Variants in SRP72 observed in about 807,000 individuals in gnomAD.
The protein encoded by SRP72 is signal recognition particle 72.
Under a neutral mutation model 96.3 loss-of-function variants are expected in SRP72, and 49 were observed. That is an observed-to-expected ratio of 0.51 (90% confidence interval 0.40 to 0.65). SRP72 has a LOEUF of 0.65. Among genes scored for constraint, SRP72 ranks in the 30% least tolerant of loss-of-function variants. The probability of loss-of-function intolerance (pLI) is 0.00; values close to 1 mark genes in which losing one functional copy is unlikely to be tolerated. For synonymous variants in SRP72, 267 were observed against 275.2 expected, an observed-to-expected ratio of 0.97 and a Z score of 0.30; for missense variants, 736 against 793.3, an observed-to-expected ratio of 0.93 and a Z score of 0.87.
chr4:56,489,517 G>A (rs759097066), intron 13 of SRP72, 34 bp downstream of exon 13: 1 of 1,322,798 alleles, frequency 7.6e-7, no homozygotes, highest in African/African-American at 1.4e-5. Flanking sequence ...ATGAGAGCAT[G>A]TTTTTACATA....
chr4:56,501,845 G>T lies in SRP72; in HGVS notation c.2000G>T (p.Gly667Val). 1 of 1,614,118 alleles carries T rather than the reference G, an allele frequency of 6.2e-7. No individual in the cohort carries two copies. The highest frequency in any genetic ancestry group is 8.5e-7 in the Non-Finnish European group (1 of 1,180,010). Residue 667 changes from glycine (G) to valine (V), a missense_variant, in exon 19 of 19, where the codon GGA becomes GTA. This residue lies in a region of SRP72 where 388 missense variants were observed against 431.8 expected (regional missense o/e 0.90). Coordinates refer to ENST00000642900, the MANE Select transcript of SRP72 (RefSeq NM_006947.4). ...KKQQQKKKKG[G>V]KGGW ...CAGCAACAGAAAAAGAAGAAAGGTG[G>T]AAAAGGTGGCTGGTGATGAGAATAT... is the stretch of plus-strand genomic sequence containing the variant.
chr4:56,501,964 C>A lies in SRP72; in HGVS notation c.*103C>A. ...AAGCACAGAACTACTCCCTCTTCAT[C>A]TCCATATTTTCATAATTTCTTGTGT... On this transcript the variant is annotated 3_prime_UTR_variant, in exon 19 of 19. Coordinates refer to ENST00000642900, the MANE Select transcript of SRP72 (RefSeq NM_006947.4). The A allele has an allele frequency of 8.4e-7, 1 of 1,184,330 alleles. No homozygotes were observed. The highest frequency in any genetic ancestry group is 2.2e-5 in the Admixed American group (1 of 45,354). 73.4% of individuals were successfully genotyped at this position (1,184,330 alleles called of 1,614,324 possible). A position where few individuals can be genotyped will look rare whatever the true frequency, so the allele number is the denominator to read the frequency against.
chr4:56,469,963 C>G (rs575647825), intron 2 of SRP72, among the ~76,000 whole-genome samples, 190 bp downstream of exon 2: 4 of 141,748 alleles, frequency 2.8e-5, no homozygotes, highest in South Asian at 2.2e-4. Context: ...TTTTTTTCAG[C>G]CTTAGAGAGT....
chr4:56,475,901 T>G (rs2110115322), intron 5 of SRP72: 1 of 152,274 alleles, frequency 6.6e-6, no homozygotes, highest in South Asian at 2.1e-4. Flanking sequence ...GAACAGAAAT[T>G]TAGAAACAGC....
chr4:56,477,628 A>G (rs907669008), intron 6 of SRP72, among the ~76,000 whole-genome samples: 7 of 151,934 alleles, frequency 4.6e-5, no homozygotes, highest in Non-Finnish European at 7.4e-5. Flanking sequence ...AAGTTTTATC[A>G]TTTCCTCATC....
intron 15 of SRP72, 126 bp from the exon 16 acceptor site, chr4:56,491,305 C>T: frequency 1.8e-6 from 2 of 1,096,756 alleles, no homozygotes; most frequent in Non-Finnish European, 1.3e-6. Flanking sequence ...ACATTTTTTG[C>T]TTTTGTTGAA....
At chr4:56,488,234 A>C (rs1338410972) in intron 12 of SRP72, among the ~76,000 whole-genome samples, 1 of 152,202 alleles carries the variant, frequency 6.6e-6, no homozygotes, top group African/African-American at 2.4e-5. Context: ...GCCTTATAGT[A>C]TCACTGAAAA....
In SRP72 at chr4:56,501,737, C is replaced by T; in HGVS notation, c.1892C>T (p.Ala631Val). ...SPPTSPRPGS[A>V]ATVSASTSNI... ...CCCACCTCCCCAAGACCTGGCAGTG[C>T]TGCAACAGTATCTGCCTCTACAAGT... Residue 631 changes from alanine to valine, a missense_variant, in exon 19 of 19, where the codon GCT (alanine) becomes GTT (valine). By Grantham distance (64) the Ala-to-Val change is moderately conservative (BLOSUM62 0). Transcript: ENST00000642900. 2 of 1,614,012 alleles carry T rather than the reference C, an allele frequency of 1.2e-6. No individual in the cohort carries two copies. Among genetic ancestry groups the T allele is most frequent in the Non-Finnish European group, 1.7e-6 (2 of 1,179,956 alleles).
At chr4:56,482,956 A>G (rs776321350) in intron 8 of SRP72, among the ~76,000 whole-genome samples, 183 bp from the exon 9 acceptor site, 1 of 152,240 alleles carries the variant, frequency 6.6e-6, no homozygotes, top group Non-Finnish European at 1.5e-5. Flanking sequence ...CAGAGATTCA[A>G]AAAGAGTAGA....
intron 2 of SRP72, 56 bp from the exon 3 acceptor site, chr4:56,471,663 AT>A (rs1203624941): frequency 6.3e-7 from 1 of 1,589,192 alleles, no homozygotes; most frequent in Non-Finnish European, 8.6e-7. Flanking sequence ...GTTGTATATA[AT>A]GGGTGCATTG....
intron 17 of SRP72, among the ~76,000 whole-genome samples, chr4:56,498,638 GA>G (rs1440412560): frequency 6.6e-6 from 1 of 152,152 alleles, no homozygotes; most frequent in African/African-American, 2.4e-5. Context: ...TAGACAAGCA[GA>G]GAGCCAAATC....
chr4:56,482,620 C>T (rs1720548228), intron 8 of SRP72, among the ~76,000 whole-genome samples: 1 of 152,084 alleles, frequency 6.6e-6, no homozygotes, highest in Non-Finnish European at 1.5e-5. Flanking sequence ...CACGAAATAT[C>T]TCCAAGATAT....
chr4:56,495,652 T>C (rs576895368), intron 17 of SRP72, among the ~76,000 whole-genome samples: 36 of 152,370 alleles, frequency 2.4e-4, no homozygotes, highest in African/African-American at 7.9e-4. Context: ...CCAGAGTTTT[T>C]CATATGTAAA....
intron 16 of SRP72, 116 bp downstream of exon 16, chr4:56,491,684 T>A: frequency 9.6e-7 from 1 of 1,042,420 alleles, no homozygotes; most frequent in Non-Finnish European, 1.4e-6. Flanking sequence ...TTGTTCCTTT[T>A]CCATTTCTCT....
chr4:56,478,539 TG>T (rs747439861), intron 7 of SRP72, 36 bp downstream of exon 7: 1 of 1,612,830 alleles, frequency 6.2e-7, no homozygotes, highest in Non-Finnish European at 8.5e-7. Context: ...TTATAGGGGA[TG>T]GGGTTCTTTT....
intron 6 of SRP72, among the ~76,000 whole-genome samples, chr4:56,477,993 A>G (rs1720313047): frequency 6.6e-6 from 1 of 152,136 alleles, no homozygotes; most frequent in Non-Finnish European, 1.5e-5. Flanking sequence ...TTATGAGAAA[A>G]TTATGTTTCC....
Position 56,500,703 on chromosome 4 carries a change from A to T in SRP72, c.1838+8A>T. On this transcript the variant is annotated splice_region_variant and intron_variant, in intron 18 of 18. Transcript: ENST00000642900. ...AGGAGCTTCATCTGAACTGTAAGTT[A>T]TTGCTCCACAATTGAGGGCACTTAG... 6.2e-7 allele frequency: 1 copy of T among 1,610,274 alleles called. No individual in the cohort carries two copies. Among genetic ancestry groups the T allele is most frequent in the East Asian group, 2.2e-5 (1 of 44,838 alleles).
At chr4:56,485,400 CAAAAAAAA>C (rs59208269) in intron 10 of SRP72, among the ~76,000 whole-genome samples, 1 of 92,406 alleles carries the variant, frequency 1.1e-5, no homozygotes, top group Non-Finnish European at 2.5e-5. Flanking sequence ...CTCCCCACAG[CAAAAAAAA>C]AAAAAAAAAA....
chr4:56,499,075 A>T (rs1379566698), intron 17 of SRP72, among the ~76,000 whole-genome samples: 1 of 152,232 alleles, frequency 6.6e-6, no homozygotes, highest in Non-Finnish European at 1.5e-5. Context: ...AGATCTGTAG[A>T]CCAATGGAAC....
Sources: gnomAD v4.1 joint callset for allele counts (sites outside exome capture counted in the v4.1 genomes callset) on GRCh38, gnomAD v4.1.1 for gene constraint, gnomAD v4.1.1 regional missense constraint, MANE v1.5 for transcripts, NCBI Gene and HGNC (gene_info 2026-07-23, HGNC 2026-07-21) for gene names.